The following SPHKAP variants were observed in gnomAD, a reference collection of about 807,000 sequenced individuals.
The protein encoded by SPHKAP is A-kinase anchor protein SPHKAP.
A neutral mutation model predicts 137.5 loss-of-function variants in SPHKAP; 67 were observed. That is an observed-to-expected ratio of 0.49 (90% CI 0.40 to 0.60). The LOEUF (loss-of-function observed/expected upper bound fraction) is 0.60, where lower values mean the gene tolerates loss of function less well. Among genes scored for constraint, SPHKAP ranks in the 20% least tolerant of loss-of-function variants. The pLI is 0.00. For synonymous variants in SPHKAP, 813 were observed against 785.3 expected, an observed-to-expected ratio of 1.04 and a Z score of -0.59; for missense variants, 2,097 against 2,069.3, an observed-to-expected ratio of 1.01 and a Z score of -0.26.
intron 4 of SPHKAP, among the ~76,000 whole-genome samples, chr2:228,026,088 T>C (rs996982427): frequency 6.6e-6 from 1 of 152,118 alleles, no homozygotes; most frequent in African/African-American, 2.4e-5. Flanking sequence ...GCACAAGCTC[T>C]CTCTTTGCCT....
chr2:228,148,530 C>G (rs1046500579), intron 1 of SPHKAP, among the ~76,000 whole-genome samples: 1 of 152,124 alleles, frequency 6.6e-6, no homozygotes, highest in Non-Finnish European at 1.5e-5. Context: ...AGGACGCTTG[C>G]AAGGACAGGG....
chr2:228,162,009 T>C (rs572239169), intron 1 of SPHKAP, among the ~76,000 whole-genome samples: 36 of 152,220 alleles, frequency 2.4e-4, no homozygotes, highest in Non-Finnish European at 4.9e-4. Context: ...AAAATAATCA[T>C]GGCCCAGAGG....
chr2:228,168,325 A>T (rs868359768), intron 1 of SPHKAP, among the ~76,000 whole-genome samples: 1 of 152,310 alleles, frequency 6.6e-6, no homozygotes, highest in Middle Eastern at 3.4e-3. Flanking sequence ...TATGCTCTGC[A>T]GATACTGTGT....
intron 7 of SPHKAP, among the ~76,000 whole-genome samples, chr2:227,997,802 C>T (rs938577832): frequency 5.3e-5 from 8 of 152,050 alleles, no homozygotes; most frequent in African/African-American, 1.9e-4. Context: ...ATATAATATT[C>T]GTTATTAAGA....
At chr2:228,155,629 G>A (rs1295993126) in intron 1 of SPHKAP, among the ~76,000 whole-genome samples, 2 of 152,074 alleles carry the variant, frequency 1.3e-5, no homozygotes, top group Non-Finnish European at 2.9e-5. Context: ...ATAGCCATTG[G>A]CATAGCAGGT....
chr2:228,101,826 A>G (rs1051428644), intron 3 of SPHKAP, among the ~76,000 whole-genome samples: 12 of 152,212 alleles, frequency 7.9e-5, no homozygotes, highest in Admixed American at 7.8e-4. Context: ...ACCAGTCTGC[A>G]TGCAACTGTG....
intron 1 of SPHKAP, among the ~76,000 whole-genome samples, chr2:228,163,325 C>T (rs1221635080): frequency 2.7e-5 from 4 of 150,434 alleles, no homozygotes; most frequent in South Asian, 4.2e-4. Context: ...AGAGAGAAAA[C>T]GAGAGAGAGA....
chr2:228,061,460 C>T (rs1574812142), intron 3 of SPHKAP, among the ~76,000 whole-genome samples: 5 of 151,806 alleles, frequency 3.3e-5, no homozygotes, highest in South Asian at 2.1e-4. Flanking sequence ...TTAGTAGAGA[C>T]GGGATTTCAT....
chr2:228,108,511 A>G (rs551153384), intron 3 of SPHKAP, among the ~76,000 whole-genome samples: 4 of 152,320 alleles, frequency 2.6e-5, no homozygotes, highest in African/African-American at 7.2e-5. Flanking sequence ...TATACTGAAA[A>G]GAATACAAGA....
At position 228,018,742 on chromosome 2, in the gene SPHKAP, G is replaced by A; in HGVS notation, c.2112C>T (p.Thr704=). The A allele has an allele frequency of 6.2e-7, 1 of 1,614,150 alleles. No individual in the cohort carries two copies. The highest frequency in any genetic ancestry group is 1.1e-5 in the South Asian group (1 of 91,084). The change falls in exon 7 of 12, where the codon ACC becomes ACT. Residue 704 remains threonine, a synonymous_variant. Transcript: ENST00000392056. The stretch of plus-strand genomic sequence containing the variant: ...GCAGTTGATTTGTACTTTCCATTAA[G>A]GTGTCCAGAATTTCAGATGAATGCC... The part of the protein sequence containing the change: ...DNRHSSEILD[T]LMESTNQLLL...
At chr2:228,116,038 T>C (rs1698699538) in intron 2 of SPHKAP, among the ~76,000 whole-genome samples, 1 of 152,168 alleles carries the variant, frequency 6.6e-6, no homozygotes, top group African/African-American at 2.4e-5. Context: ...CATCAGACAC[T>C]GAATCTGCTG....
intron 1 of SPHKAP, among the ~76,000 whole-genome samples, chr2:228,149,500 A>G (rs1260493775): frequency 6.6e-6 from 1 of 152,230 alleles, no homozygotes; most frequent in African/African-American, 2.4e-5. Flanking sequence ...GAACTAAGGT[A>G]GTAAAATATC....
chr2:228,034,415 G>A (rs1403993089), intron 3 of SPHKAP, among the ~76,000 whole-genome samples: 3 of 152,102 alleles, frequency 2.0e-5, no homozygotes, highest in Non-Finnish European at 4.4e-5. Context: ...AGAAGTCCAG[G>A]ACCAGATGGA....
At chr2:228,108,201 C>A (rs1367740756) in intron 3 of SPHKAP, among the ~76,000 whole-genome samples, 10 of 152,098 alleles carry the variant, frequency 6.6e-5, no homozygotes, top group Admixed American at 4.6e-4. Context: ...TGATTTCAAT[C>A]AAAATGAAAC....
intron 1 of SPHKAP, among the ~76,000 whole-genome samples, chr2:228,136,618 C>T (rs1475819713): frequency 1.3e-5 from 2 of 152,178 alleles, no homozygotes; most frequent in Non-Finnish European, 2.9e-5. Context: ...CACGGACCAG[C>T]AGCATTGGTG....
intron 2 of SPHKAP, among the ~76,000 whole-genome samples, chr2:228,126,324 C>T (rs1699075427): frequency 6.6e-6 from 1 of 152,132 alleles, no homozygotes; most frequent in South Asian, 2.1e-4. Flanking sequence ...TAGAGGTTAG[C>T]TGACTTTCCA....
At chr2:228,101,710 G>A (rs975689498) in intron 3 of SPHKAP, among the ~76,000 whole-genome samples, 1 of 152,152 alleles carries the variant, frequency 6.6e-6, no homozygotes, top group Non-Finnish European at 1.5e-5. Flanking sequence ...AGCTGGAAAG[G>A]GGAGCCTATG....
At chr2:228,058,327 A>G (rs1174339755) in intron 3 of SPHKAP, among the ~76,000 whole-genome samples, 1 of 152,142 alleles carries the variant, frequency 6.6e-6, no homozygotes, top group African/African-American at 2.4e-5. Context: ...ATTAGGTTAC[A>G]TGTAGTATTT....
At chr2:228,095,277 A>G (rs1697946026) in intron 3 of SPHKAP, among the ~76,000 whole-genome samples, 1 of 152,194 alleles carries the variant, frequency 6.6e-6, no homozygotes, top group Non-Finnish European at 1.5e-5. Context: ...AGTTATGAAA[A>G]GATAGCCGTG....
Sources: gnomAD v4.1 joint callset for allele counts (sites outside exome capture counted in the v4.1 genomes callset) on GRCh38, gnomAD v4.1.1 for gene constraint, MANE v1.5 for transcripts, NCBI Gene and HGNC (gene_info 2026-07-23, HGNC 2026-07-21) for gene names.